Variants in FSIP1 observed in about 807,000 individuals in gnomAD.
FSIP1 encodes fibrous sheath interacting protein 1.
FSIP1 carries 65 observed loss-of-function variants against 60.9 expected under a neutral mutation model. The ratio of observed to expected loss-of-function variants is 1.07; its 90% CI spans 0.87 to 1.31. FSIP1 has a LOEUF of 1.31. FSIP1 is among the 40% of genes most tolerant of loss of function. FSIP1 has a pLI of 0.00. For missense variants in FSIP1, 675 were observed against 665.5 expected, an observed-to-expected ratio of 1.01 and a Z score of -0.16; for synonymous variants, 209 against 221.2, an observed-to-expected ratio of 0.94 and a Z score of 0.49.
chr15:39,690,803 C>G (rs914354903), intron 10 of FSIP1, among the ~76,000 whole-genome samples: 11 of 152,192 alleles, frequency 7.2e-5, no homozygotes, highest in African/African-American at 2.7e-4. Context: ...TATACACTGT[C>G]AAAGGATCGA....
intron 10 of FSIP1, among the ~76,000 whole-genome samples, chr15:39,628,701 C>G (rs1296454903): frequency 6.6e-6 from 1 of 152,186 alleles, no homozygotes; most frequent in African/African-American, 2.4e-5. Flanking sequence ...AGGAAATACC[C>G]TTACCAACAG....
At chr15:39,760,992 C>A (rs540877087) in intron 5 of FSIP1, among the ~76,000 whole-genome samples, 3 of 152,244 alleles carry the variant, frequency 2.0e-5, no homozygotes, top group Admixed American at 1.3e-4. Context: ...CCTCACTAAT[C>A]ATTCAGGAAA....
chr15:39,718,132 A>G (rs77802015), intron 9 of FSIP1, among the ~76,000 whole-genome samples: 2 of 152,024 alleles, frequency 1.3e-5, no homozygotes, highest in East Asian at 3.9e-4. Context: ...CTATATAAAT[A>G]GTCCCTTCAT....
At chr15:39,690,416 A>T (rs1230384030) in intron 10 of FSIP1, among the ~76,000 whole-genome samples, 1 of 152,002 alleles carries the variant, frequency 6.6e-6, no homozygotes, top group African/African-American at 2.4e-5. Context: ...CACTTATATG[A>T]CTCCCTTCAT....
At chr15:39,637,583 C>T (rs1046304139) in intron 10 of FSIP1, among the ~76,000 whole-genome samples, 4 of 152,138 alleles carry the variant, frequency 2.6e-5, no homozygotes, top group African/African-American at 9.7e-5. Context: ...TTGAGTAGAC[C>T]ATCACCCATT....
At chr15:39,627,161 C>T (rs1386009361) in intron 10 of FSIP1, among the ~76,000 whole-genome samples, 1 of 152,206 alleles carries the variant, frequency 6.6e-6, no homozygotes, top group Non-Finnish European at 1.5e-5. Flanking sequence ...CACTGCTCAA[C>T]GTGACTGGAT....
At chr15:39,692,606 C>G (rs370163870) in intron 10 of FSIP1, among the ~76,000 whole-genome samples, 3 of 152,010 alleles carry the variant, frequency 2.0e-5, no homozygotes, top group Middle Eastern at 3.2e-3. Flanking sequence ...ATTTAAGGAC[C>G]AGTTACAACT....
chr15:39,689,888 C>G lies in FSIP1; in HGVS notation c.1188+23556G>C, dbSNP rs1168344317. 1.3e-5 allele frequency among the ~76,000 whole-genome samples: 2 copies of G among 152,106 alleles called. 1 individual carries two copies. The highest frequency in any genetic ancestry group is 2.9e-5 in the Non-Finnish European group (2 of 68,016). ...CCTTTCTTCTTCTGATACGGCTTTT[C>G]TTGAGTCATTCATTTCTCATACTGA... On this transcript the variant is annotated intron_variant, in intron 10 of 11. Coordinates refer to ENST00000350221, the MANE Select transcript of FSIP1 (RefSeq NM_152597.5).
chr15:39,602,210 G>A (rs534561973), intron 11 of FSIP1: 7 of 378,686 alleles, frequency 1.8e-5, no homozygotes, highest in South Asian at 1.2e-4. Context: ...AAGACAGAGG[G>A]AGATTAACAC....
rs569715036 is a variant in FSIP1 at position 39,756,200 on chromosome 15, C to T, written c.559+7621G>A. 4.6e-5 allele frequency among the ~76,000 whole-genome samples: 7 copies of T among 152,138 alleles called. 1 individual carries two copies. The South Asian group carries it at 1.2e-3, about 27-fold the overall frequency. ...GTCAAGGCATCTTTTGTGTTTAGCA[C>T]CTATAAATAAAAGTAAATGCACTAT... On this transcript the variant is annotated intron_variant, in intron 5 of 11. Transcript: ENST00000350221.
intron 9 of FSIP1, among the ~76,000 whole-genome samples, chr15:39,718,100 T>C (rs1347551591): frequency 2.0e-5 from 3 of 151,970 alleles, no homozygotes; most frequent in Non-Finnish European, 4.4e-5. Flanking sequence ...TGTCCCAACA[T>C]CCACTGTTAG....
In FSIP1 at chr15:39,765,704, G is replaced by T; in HGVS notation, c.353C>A (p.Ala118Asp). ...LKELDSQLQD[A>D]IQKMKKLDKI... ...ATCAAGTTTTTTCATCTTCTGAATA[G>T]CATCTTGAAGTTGAGAATCTAATTC... Residue 118 changes from alanine (A) to aspartate (D), a missense_variant, in exon 4 of 12, where the codon GCT becomes GAT. By Grantham distance (126) the Ala-to-Asp change is moderately radical. Coordinates refer to ENST00000350221, the MANE Select transcript of FSIP1 (RefSeq NM_152597.5). The T allele has an allele frequency of 6.4e-7, 1 of 1,557,848 alleles. No homozygotes were observed. The highest frequency in any genetic ancestry group is 8.8e-7 in the Non-Finnish European group (1 of 1,137,016).
At chr15:39,728,426 G>A (rs1896280041) in intron 8 of FSIP1, among the ~76,000 whole-genome samples, 1 of 152,170 alleles carries the variant, frequency 6.6e-6, no homozygotes, top group East Asian at 1.9e-4. Context: ...CATGGTACTA[G>A]TACAAAAACA....
At chr15:39,781,332 C>G (rs1284388383) in intron 1 of FSIP1, among the ~76,000 whole-genome samples, 1 of 152,202 alleles carries the variant, frequency 6.6e-6, no homozygotes, top group Non-Finnish European at 1.5e-5. Flanking sequence ...CAAGTGCTGA[C>G]AAAGTTGGAG....
intron 10 of FSIP1, among the ~76,000 whole-genome samples, chr15:39,636,170 C>G (rs1431658565): frequency 6.6e-6 from 1 of 152,120 alleles, no homozygotes; most frequent in Non-Finnish European, 1.5e-5. Flanking sequence ...GTCAACCAGT[C>G]AAGAAAACAT....
At chr15:39,629,099 T>C (rs1019899073) in intron 10 of FSIP1, among the ~76,000 whole-genome samples, 1 of 152,096 alleles carries the variant, frequency 6.6e-6, no homozygotes, top group African/African-American at 2.4e-5. Context: ...GCCCCTACTT[T>C]TGAAGATCTC....
chr15:39,702,496 T>C (rs985369708), intron 10 of FSIP1, among the ~76,000 whole-genome samples: 2 of 83,112 alleles, frequency 2.4e-5, no homozygotes, highest in Non-Finnish European at 2.5e-5. Context: ...TCCCTTAACA[T>C]CTAGTCTGCC....
intron 10 of FSIP1, among the ~76,000 whole-genome samples, chr15:39,664,047 C>T (rs893351287): frequency 2.6e-5 from 4 of 152,096 alleles, no homozygotes; most frequent in African/African-American, 7.2e-5. Flanking sequence ...CAGTACATCC[C>T]GCAGCATAAC....
chr15:39,647,946 G>A (rs1892689216), intron 10 of FSIP1, among the ~76,000 whole-genome samples: 1 of 147,168 alleles, frequency 6.8e-6, no homozygotes, highest in Non-Finnish European at 1.5e-5. Flanking sequence ...TTAGTCACTG[G>A]TATTTAATGC....
Sources: gnomAD v4.1 joint callset for allele counts (sites outside exome capture counted in the v4.1 genomes callset) on GRCh38, gnomAD v4.1.1 for gene constraint, MANE v1.5 for transcripts, NCBI Gene and HGNC (gene_info 2026-07-23, HGNC 2026-07-21) for gene names.